Variants in REV1 observed in about 807,000 individuals in gnomAD.
REV1 encodes the protein REV1 DNA directed polymerase, also known as translesion synthesis protein REV1.
In REV1, 42 loss-of-function variants were observed where a neutral mutation model predicts 137.4. The ratio of observed to expected loss-of-function variants is 0.31; its 90% CI spans 0.24 to 0.40. REV1 has a LOEUF of 0.40. REV1 is among the 10% of genes least tolerant of loss of function. The pLI is 1.00. For synonymous variants in REV1, 524 were observed against 519.2 expected (o/e 1.01, Z -0.12); for missense variants, 1,282 against 1,490.1 (o/e 0.86, Z 2.30).
intron 1 of REV1, among the ~76,000 whole-genome samples, chr2:99,484,503 T>C (rs1383854085): frequency 6.6e-6 from 1 of 152,198 alleles, no homozygotes; most frequent in Non-Finnish European, 1.5e-5. Flanking sequence ...TTTTCTTAAA[T>C]CTAATGTATT....
intron 5 of REV1, 35 bp from the exon 6 acceptor site, chr2:99,439,345 C>T: frequency 6.8e-7 from 1 of 1,475,664 alleles, no homozygotes; most frequent in South Asian, 1.2e-5. Context: ...TTAATAATAT[C>T]TGACTTTTAG....
chr2:99,446,651 T>C (rs952457584), intron 4 of REV1, among the ~76,000 whole-genome samples: 7 of 151,892 alleles, frequency 4.6e-5, no homozygotes, highest in African/African-American at 7.3e-5. Flanking sequence ...CCCAACACCA[T>C]GCCTGGCTAA....
chr2:99,416,356 C>T (rs777644141), intron 12 of REV1, among the ~76,000 whole-genome samples: 1 of 152,180 alleles, frequency 6.6e-6, no homozygotes, highest in Admixed American at 6.5e-5. Context: ...TATGAAACCC[C>T]TTTTTAAAGG....
chr2:99,475,504 G>A (rs1685873550), intron 1 of REV1, among the ~76,000 whole-genome samples: 1 of 152,134 alleles, frequency 6.6e-6, no homozygotes, highest in Non-Finnish European at 1.5e-5. Flanking sequence ...TAATCAGATG[G>A]GGAGGAAAGT....
chr2:99,484,207 G>A (rs906146124), intron 1 of REV1, among the ~76,000 whole-genome samples: 1 of 152,162 alleles, frequency 6.6e-6, no homozygotes, highest in Non-Finnish European at 1.5e-5. Flanking sequence ...GGGAGCAATA[G>A]ACACTGAGTC....
intron 1 of REV1, among the ~76,000 whole-genome samples, chr2:99,466,499 C>T (rs1286288952): frequency 1.3e-5 from 2 of 152,196 alleles, no homozygotes; most frequent in Non-Finnish European, 2.9e-5. Flanking sequence ...GCCTATGCCT[C>T]CCAAAGTGCT....
chr2:99,465,040 A>G, intron 1 of REV1, 55 bp from the exon 2 acceptor site: 1 of 1,336,316 alleles, frequency 7.5e-7, no homozygotes, highest in Non-Finnish European at 1.1e-6. Flanking sequence ...GTATTTCTAA[A>G]TGATATTTTA....
intron 3 of REV1, among the ~76,000 whole-genome samples, chr2:99,458,938 G>T (rs931339875): frequency 1.3e-5 from 2 of 152,090 alleles, no homozygotes; most frequent in Non-Finnish European, 2.9e-5. Flanking sequence ...GCCGGGCGCG[G>T]TGGCTCACAC....
At chr2:99,413,963 T>C (rs1260258468) in intron 12 of REV1, among the ~76,000 whole-genome samples, 5 of 152,008 alleles carry the variant, frequency 3.3e-5, no homozygotes, top group Admixed American at 6.6e-5. Flanking sequence ...GAGGACAACA[T>C]GGGCAACTGA....
chr2:99,480,055 C>T (rs1559421794), intron 1 of REV1, among the ~76,000 whole-genome samples: 2 of 152,190 alleles, frequency 1.3e-5, no homozygotes, highest in Non-Finnish European at 2.9e-5. Context: ...TGCAGTGGCT[C>T]ACACCTGTAT....
At chr2:99,429,382 G>A (rs1283070264) in intron 9 of REV1, among the ~76,000 whole-genome samples, 4 of 152,132 alleles carry the variant, frequency 2.6e-5, no homozygotes, top group Non-Finnish European at 5.9e-5. Context: ...GAGATATTAA[G>A]AATGCCAATA....
rs1234766409 is a variant in REV1, at chr2:99,407,322, G to A, written c.2448+707C>T. Among the ~76,000 whole-genome samples, 3 of 151,420 alleles carry A rather than the reference G, an allele frequency of 2.0e-5. No homozygotes were observed. The East Asian group carries it at 5.8e-4, about 29-fold the overall frequency. On this transcript the variant is annotated intron_variant, in intron 15 of 22. Coordinates refer to ENST00000258428, the MANE Select transcript of REV1 (RefSeq NM_016316.4). ...TCCCAGCACTTTGAGAGGCTGAGGT[G>A]GGTGGATCACCTGAGGTCAGGAGTT...
At chr2:99,429,536 T>TA (rs1046351225) in intron 9 of REV1, among the ~76,000 whole-genome samples, 10 of 151,286 alleles carry the variant, frequency 6.6e-5, no homozygotes, top group African/African-American at 9.7e-5. Context: ...CCTCTTCCAT[T>TA]AAAAAAAAAT....
intron 5 of REV1, 121 bp from the exon 6 acceptor site, chr2:99,439,431 T>G (rs1681191558): frequency 1.6e-6 from 1 of 609,320 alleles, no homozygotes; most frequent in African/African-American, 1.9e-5. Context: ...AAACAGAAAA[T>G]TCTTATATTG....
rs1336167354 is a variant in REV1, at chr2:99,449,012, T to C, written c.350+324A>G. On this transcript the variant is annotated intron_variant, in intron 4 of 22. Transcript: ENST00000258428. ...TTTTATAAAAGAAATAGAAAGGCCA[T>C]GCGCAGTGGTTGTAGTCCCAGCACT... Among the ~76,000 whole-genome samples, 3 of 152,276 alleles carry C rather than the reference T, an allele frequency of 2.0e-5. No individual in the cohort carries two copies. In the East Asian group the frequency reaches 5.8e-4, roughly 29 times the overall value.
At chr2:99,470,567 T>A (rs1371975864) in intron 1 of REV1, among the ~76,000 whole-genome samples, 1 of 152,270 alleles carries the variant, frequency 6.6e-6, no homozygotes, top group Admixed American at 6.5e-5. Flanking sequence ...AAGCTTATAC[T>A]GGTCCAAGCA....
At chr2:99,416,637 T>TA (rs1456272450) in intron 12 of REV1, among the ~76,000 whole-genome samples, 1 of 152,096 alleles carries the variant, frequency 6.6e-6, no homozygotes, top group Non-Finnish European at 1.5e-5. Flanking sequence ...CTTCAAGAAA[T>TA]AAAGTCTCAC....
intron 4 of REV1, among the ~76,000 whole-genome samples, chr2:99,444,940 C>T (rs1312751598): frequency 6.6e-6 from 1 of 152,100 alleles, no homozygotes; most frequent in Non-Finnish European, 1.5e-5. Context: ...CCATCTTTAT[C>T]CAAAAGATAA....
intron 4 of REV1, among the ~76,000 whole-genome samples, chr2:99,444,369 A>G: frequency 6.6e-6 from 1 of 152,230 alleles, no homozygotes; most frequent in East Asian, 1.9e-4. Flanking sequence ...CAAGGAACAA[A>G]ACGCCCTATG....
Sources: gnomAD v4.1 joint callset for allele counts (sites outside exome capture counted in the v4.1 genomes callset) on GRCh38, gnomAD v4.1.1 for gene constraint, MANE v1.5 for transcripts, NCBI Gene and HGNC (gene_info 2026-07-23, HGNC 2026-07-21) for gene names.